The following VPS13A variants were observed in gnomAD, a reference collection of about 807,000 sequenced individuals.
VPS13A encodes the protein vacuolar protein sorting 13 homolog A.
Under a neutral mutation model 390.9 loss-of-function variants are expected in VPS13A, and 264 were observed. The observed-to-expected ratio is 0.68, with a 90% CI of 0.61 to 0.75. The LOEUF (loss-of-function observed/expected upper bound fraction) is 0.75, where lower values mean the gene tolerates loss of function less well. Ranked by LOEUF, VPS13A falls within the 30% of genes least tolerant of loss-of-function variation. VPS13A has a pLI of 0.00. For synonymous variants in VPS13A, 1,231 were observed against 1,227.1 expected (o/e 1.00, Z -0.07); for missense variants, 3,409 against 3,733.9 (o/e 0.91, Z 2.27).
intron 70 of VPS13A, among the ~76,000 whole-genome samples, chr9:77,406,904 C>CTGAT (rs1453103450): frequency 6.6e-6 from 1 of 152,098 alleles, no homozygotes; most frequent in East Asian, 1.9e-4. Context: ...CTGTTTGCCC[C>CTGAT]TGATATGCTT....
intron 41 of VPS13A, among the ~76,000 whole-genome samples, chr9:77,318,806 T>C (rs986454937): frequency 4.6e-5 from 7 of 152,308 alleles, no homozygotes; most frequent in African/African-American, 1.7e-4. Context: ...AAAGTACATG[T>C]CCACATTAAG....
intron 26 of VPS13A, among the ~76,000 whole-genome samples, chr9:77,277,415 A>G (rs1190022807): frequency 6.6e-6 from 1 of 152,200 alleles, no homozygotes; most frequent in Non-Finnish European, 1.5e-5. Context: ...ACAACTGATG[A>G]ACCTACACTG....
chr9:77,377,217 T>TTTG (rs1833141989), intron 67 of VPS13A, among the ~76,000 whole-genome samples: 1 of 96,614 alleles, frequency 1.0e-5, no homozygotes, highest in African/African-American at 3.5e-5. Context: ...TTTTTTTTTT[T>TTTG]TTTTTTTTTT....
intron 5 of VPS13A, among the ~76,000 whole-genome samples, chr9:77,207,213 T>TTATA (rs61703004): frequency 0.057 from 2,425 of 42,844 alleles, 121 homozygotes; most frequent in Non-Finnish European, 0.079. Flanking sequence ...TATTTAGATA[T>TTATA]TATATATATA....
rs1467359115 is a variant in VPS13A, at chr9:77,252,874, TTTTA to T, written c.2288+529_2288+532del. The stretch of plus-strand genomic sequence containing the variant: ...TCCTTATATGTTGTATATACTATGT[TTTTA>T]TTTATTCATCCTTCAATGAACATTT... On this transcript the variant is annotated intron_variant, in intron 22 of 71. Transcript: ENST00000360280. 3.9e-5 allele frequency among the ~76,000 whole-genome samples: 6 copies of T among 152,346 alleles called. No homozygotes were observed. The South Asian group carries it at 8.3e-4, about 21-fold the overall frequency.
chr9:77,307,311 C>G (rs907912424), intron 34 of VPS13A, among the ~76,000 whole-genome samples: 5 of 152,088 alleles, frequency 3.3e-5, no homozygotes, highest in African/African-American at 1.2e-4. Flanking sequence ...ATTGCATTAG[C>G]TGGGCATGTT....
chr9:77,369,646 G>A (rs551399641), intron 63 of VPS13A, among the ~76,000 whole-genome samples: 1 of 152,182 alleles, frequency 6.6e-6, no homozygotes, highest in East Asian at 1.9e-4. Flanking sequence ...TGTTCTCTTG[G>A]AATATAAAAG....
Position 77,339,689 on chromosome 9 carries a change from T to A in VPS13A, c.6552T>A (p.Thr2184=). The change falls in exon 48 of 72, where the codon ACT becomes ACA. Residue 2184 remains threonine, a synonymous_variant. Transcript: ENST00000360280. ...AAGACATTAGTTTTGTCAGTTTTAC[T>A]TGTGTTACAGAAATGGAAAAGACTG... is the stretch of plus-strand genomic sequence containing the variant. ...NQQDISFVSF[T]CVTEMEKTDL... is the part of the protein sequence containing the mutation. 6.2e-7 allele frequency: 1 copy of A among 1,614,048 alleles called. No homozygotes were observed. The highest frequency in any genetic ancestry group is 8.5e-7 in the Non-Finnish European group (1 of 1,179,976).
intron 5 of VPS13A, among the ~76,000 whole-genome samples, chr9:77,206,513 A>G (rs1261684244): frequency 6.6e-6 from 1 of 151,912 alleles, no homozygotes; most frequent in Non-Finnish European, 1.5e-5. Context: ...ATTTGCCTCT[A>G]TCTGTTTATT....
In VPS13A at chr9:77,213,014, A is replaced by G. The variant is rs1826055671; in HGVS notation, c.601A>G (p.Lys201Glu). The G allele has an allele frequency of 6.2e-7, 1 of 1,613,844 alleles. No individual in the cohort carries two copies. Among genetic ancestry groups the G allele is most frequent in the Non-Finnish European group, 8.5e-7 (1 of 1,179,968 alleles). The change falls in exon 8 of 72, where the codon AAA becomes GAA. Residue 201 changes from lysine to glutamate, a missense_variant. Physicochemically the swap from Lys to Glu is moderately conservative, Grantham distance 56. This residue lies in a region of VPS13A where 2,717 missense variants were observed against 2,917.4 expected (regional missense o/e 0.93). Transcript: ENST00000360280. ...TCCATGTTTACATGATGAAACTGAG[A>G]AACTGGTTCGTAAGGTAAATAAATA... ...WVPCLHDETEKLVRKLIRLDN... is the reference protein window; with the variant it reads ...WVPCLHDETEELVRKLIRLDN...
At position 77,317,729 on chromosome 9, in the gene VPS13A, A is replaced by T. The variant is rs200025963; in HGVS notation, c.4956+31A>T. The T allele has an allele frequency of 7.8e-5, 117 of 1,504,942 alleles. No homozygotes were observed. The African/African-American group carries it at 1.5e-3, about 20-fold the overall frequency. The allele number at this position is 1,504,942 out of a possible 1,614,324, so 93.2% of individuals were successfully genotyped here. The stretch of plus-strand genomic sequence containing the variant: ...TTAAAATATAATCATTTGAATATTT[A>T]GTGCACTTAAAAAAAGTAGTAAAGC... On this transcript the variant is annotated intron_variant, in intron 40 of 71. Coordinates refer to ENST00000360280, the MANE Select transcript of VPS13A (RefSeq NM_033305.3).
rs771133301 is a variant in VPS13A, at chr9:77,340,430, T to A, written c.6906T>A (p.Ser2302Arg). 4 of 1,613,376 alleles carry A rather than the reference T, an allele frequency of 2.5e-6. No homozygotes were observed. The highest frequency in any genetic ancestry group is 3.4e-6 in the Non-Finnish European group (4 of 1,179,662). The change falls in exon 50 of 72, where the codon AGT becomes AGA. Residue 2302 changes from serine (S) to arginine (R), a missense_variant. By Grantham distance (110) the Ser-to-Arg change is moderately radical. Around this residue, in one of 5 missense-constraint regions of VPS13A, gnomAD observed 2,717 missense variants for 2,917.4 expected, o/e 0.93. Coordinates refer to ENST00000360280, the MANE Select transcript of VPS13A (RefSeq NM_033305.3). ...TTGGTGTCACTATAGACCTGAGCAGTTTTAACATTACTAGAATTGTGACAT... is the reference window on the plus strand; with the variant it reads ...TTGGTGTCACTATAGACCTGAGCAGATTTAACATTACTAGAATTGTGACAT... ...YQVGVTIDLS[S>R]FNITRIVTFT... is the part of the protein sequence containing the mutation.
In VPS13A at chr9:77,288,643, G is replaced by A. The variant is rs186593251; in HGVS notation, c.3340-4698G>A. 5.2e-4 allele frequency among the ~76,000 whole-genome samples: 79 copies of A among 152,166 alleles called. 1 individual carries two copies. In the East Asian group the frequency reaches 0.01, roughly 20 times the overall value. On this transcript the variant is annotated intron_variant, in intron 31 of 71. Transcript: ENST00000360280. ...GTCAGGGGAGAAACCGTTTCAGTTCGTTTAAATTTGTTGATGTTTGTTTTA... is the reference window on the plus strand; with the variant it reads ...GTCAGGGGAGAAACCGTTTCAGTTCATTTAAATTTGTTGATGTTTGTTTTA...
intron 1 of VPS13A, among the ~76,000 whole-genome samples, chr9:77,199,292 C>G (rs896323175): frequency 1.3e-5 from 2 of 152,134 alleles, no homozygotes; most frequent in African/African-American, 2.4e-5. Flanking sequence ...TCAGCCTCCT[C>G]AAGTAGCTGG....
chr9:77,283,964 CTT>C (rs779066797), intron 31 of VPS13A, among the ~76,000 whole-genome samples: 99 of 129,504 alleles, frequency 7.6e-4, no homozygotes, highest in Non-Finnish European at 1.0e-3. Flanking sequence ...ACCTTTTTCA[CTT>C]TTTTTTTTTT....
chr9:77,321,201 G>A lies in VPS13A; in HGVS notation c.5448G>A (p.Glu1816=). The change falls in exon 43 of 72, where the codon GAG becomes GAA. Residue 1816 remains glutamate, a synonymous_variant. Transcript: ENST00000360280. ...AGAAAGCAAAAATGGCCATTGTTGA[G>A]TCAGATCCTGAAGAAGAAAACTACA... ...MKKKAKMAIV[E]SDPEEENYKV... 1 of 1,612,542 alleles carries A rather than the reference G, an allele frequency of 6.2e-7. No homozygotes were observed. The highest frequency in any genetic ancestry group is 1.3e-5 in the African/African-American group (1 of 74,948).
Position 77,226,694 on chromosome 9 carries a change from ATATT to A in VPS13A, c.1357+103_1357+106del, listed in dbSNP as rs1364896158. ...AATTAAAGTAAATAGACATTGAAAT[ATATT>A]TATTTAATTATATATAAAGTTATTA... On this transcript the variant is annotated intron_variant, in intron 15 of 71. Transcript: ENST00000360280. 74 of 1,089,362 alleles carry A rather than the reference ATATT, an allele frequency of 6.8e-5. 1 individual carries two copies. Among genetic ancestry groups the A allele is most frequent in the East Asian group, 3.7e-4 (13 of 35,086 alleles). The allele number at this position is 1,089,362 out of a possible 1,614,324, so 67.5% of individuals were successfully genotyped here. A position where few individuals can be genotyped will look rare whatever the true frequency, so the allele number is the denominator to read the frequency against.
intron 3 of VPS13A, among the ~76,000 whole-genome samples, chr9:77,204,699 T>C (rs1825536440): frequency 6.6e-6 from 1 of 152,130 alleles, no homozygotes; most frequent in African/African-American, 2.4e-5. Flanking sequence ...TGATCATGGC[T>C]CACTGTAGTC....
intron 23 of VPS13A, among the ~76,000 whole-genome samples, chr9:77,264,580 T>C (rs1048063416): frequency 2.0e-5 from 3 of 152,182 alleles, no homozygotes; most frequent in African/African-American, 7.2e-5. Flanking sequence ...AGTTCACTGA[T>C]TATTTGGCTC....
Sources: gnomAD v4.1 joint callset for allele counts (sites outside exome capture counted in the v4.1 genomes callset) on GRCh38, gnomAD v4.1.1 for gene constraint, gnomAD v4.1.1 regional missense constraint, MANE v1.5 for transcripts, NCBI Gene and HGNC (gene_info 2026-07-23, HGNC 2026-07-21) for gene names.